Variants in CLNK observed in about 807,000 individuals in gnomAD.
CLNK encodes the protein cytokine dependent hematopoietic cell linker, also known as cytokine-dependent hematopoietic cell linker.
In CLNK, 74 loss-of-function variants were observed where a neutral mutation model predicts 68.6. The ratio of observed to expected loss-of-function variants is 1.08; its 90% CI spans 0.89 to 1.31. The LOEUF (loss-of-function observed/expected upper bound fraction) is 1.31, where lower values mean the gene tolerates loss of function less well. Among genes scored for constraint, CLNK ranks in the 50% most tolerant of loss-of-function variants. The pLI, the probability that CLNK is intolerant of heterozygous loss-of-function variation, is 0.00. For missense variants in CLNK, 553 were observed against 515.3 expected, an observed-to-expected ratio of 1.07 and a Z score of -0.71; for synonymous variants, 198 against 172.2, an observed-to-expected ratio of 1.15 and a Z score of -1.17.
the CLNK span, among the ~76,000 whole-genome samples, chr4:10,713,409 C>A: frequency 1.3e-5 from 2 of 151,974 alleles, no homozygotes; most frequent in African/African-American, 2.4e-5. Context: ...TAACTCCTGT[C>A]CAAGATGGTG....
At chr4:10,628,627 G>T (rs1460171331) in intron 2 of CLNK, among the ~76,000 whole-genome samples, 1 of 152,196 alleles carries the variant, frequency 6.6e-6, no homozygotes, top group African/African-American at 2.4e-5. Flanking sequence ...GGGACGAACT[G>T]TGCACAGTAG....
intron 2 of CLNK, among the ~76,000 whole-genome samples, chr4:10,655,316 G>A (rs944872536): frequency 2.1e-5 from 3 of 140,484 alleles, no homozygotes; most frequent in Admixed American, 7.5e-5. Context: ...AGTAATTCCG[G>A]CCTAAAACCC....
At chr4:10,552,554 C>T (rs1719504254) in intron 8 of CLNK, among the ~76,000 whole-genome samples, 1 of 152,092 alleles carries the variant, frequency 6.6e-6, no homozygotes, top group Non-Finnish European at 1.5e-5. Context: ...TAGTGCCAAC[C>T]TCTCTCCTGT....
chr4:10,676,624 T>C (rs1724887470), intron 1 of CLNK, among the ~76,000 whole-genome samples: 1 of 152,098 alleles, frequency 6.6e-6, no homozygotes, highest in Non-Finnish European at 1.5e-5. Context: ...TTGAGTTTTG[T>C]TTTTAAAAAC....
chr4:10,668,379 C>T (rs1041489944), intron 1 of CLNK, among the ~76,000 whole-genome samples: 2 of 152,136 alleles, frequency 1.3e-5, no homozygotes, highest in African/African-American at 4.8e-5. Context: ...CTTGTATTCA[C>T]CCACATAGTA....
Position 10,542,248 on chromosome 4 carries a change from C to T in CLNK, c.471+7G>A, listed in dbSNP as rs529244683. 2 of 1,511,468 alleles carry T rather than the reference C, an allele frequency of 1.3e-6. No individual in the cohort carries two copies. The highest frequency in any genetic ancestry group is 2.3e-5 in the East Asian group (1 of 43,134). The allele number at this position is 1,511,468 out of a possible 1,614,324, so 93.6% of individuals were successfully genotyped here. ...AATAACAAATGCATTTTATTGATTT[C>T]TCTTACCTTGTTCTTTCTTACGGAT... On this transcript the variant is annotated splice_region_variant and intron_variant, in intron 9 of 18. Coordinates refer to ENST00000226951, the MANE Select transcript of CLNK (RefSeq NM_052964.4).
At chr4:10,494,651 G>T (rs1037678265) in intron 18 of CLNK, among the ~76,000 whole-genome samples, 1 of 152,084 alleles carries the variant, frequency 6.6e-6, no homozygotes, top group African/African-American at 2.4e-5. Context: ...TAGAGACAGG[G>T]TTTCATCATA....
chr4:10,589,759 G>A (rs1223673692), intron 3 of CLNK, among the ~76,000 whole-genome samples: 1 of 152,192 alleles, frequency 6.6e-6, no homozygotes, highest in East Asian at 1.9e-4. Context: ...AAGGACTCCT[G>A]TGTTAACACT....
the CLNK span, among the ~76,000 whole-genome samples, chr4:10,729,552 C>G: frequency 1.3e-5 from 2 of 152,218 alleles, no homozygotes; most frequent in African/African-American, 2.4e-5. Context: ...ACACACTCAC[C>G]CACACCCACA....
chr4:10,623,612 G>A (rs936445687), intron 2 of CLNK, among the ~76,000 whole-genome samples: 3 of 152,178 alleles, frequency 2.0e-5, no homozygotes, highest in African/African-American at 7.2e-5. Flanking sequence ...GATGACGCCT[G>A]ACAAATATTT....
chr4:10,533,153 G>A (rs1718620411), intron 11 of CLNK, among the ~76,000 whole-genome samples: 1 of 152,194 alleles, frequency 6.6e-6, no homozygotes, highest in South Asian at 2.1e-4. Flanking sequence ...AGCTACTCGG[G>A]AGGCTGAGGC....
intron 2 of CLNK, among the ~76,000 whole-genome samples, chr4:10,652,381 CA>C (rs67304153): frequency 7.3e-4 from 37 of 50,730 alleles, no homozygotes; most frequent in South Asian, 4.7e-3. Flanking sequence ...GACTCTGTCT[CA>C]AAAAAAAAAA....
At chr4:10,722,916 G>C in the CLNK span, among the ~76,000 whole-genome samples, 4 of 152,096 alleles carry the variant, frequency 2.6e-5, no homozygotes, top group African/African-American at 9.7e-5. Flanking sequence ...CAGGTGTGGT[G>C]GTGCATACCT....
intron 15 of CLNK, chr4:10,517,385 C>A (rs1044142802): frequency 6.6e-6 from 1 of 152,124 alleles, no homozygotes; most frequent in African/African-American, 2.4e-5. Flanking sequence ...ATCAAAGGTG[C>A]AAACTTACCT....
chr4:10,725,083 C>T, the CLNK span, among the ~76,000 whole-genome samples: 65,680 of 151,738 alleles, frequency 0.43, 15,073 homozygotes, highest in Middle Eastern at 0.6. Context: ...GTTTTCCTTG[C>T]GAAGGAGAGG....
At chr4:10,534,918 C>T (rs944414020) in intron 11 of CLNK, among the ~76,000 whole-genome samples, 1 of 152,066 alleles carries the variant, frequency 6.6e-6, no homozygotes, top group African/African-American at 2.4e-5. Flanking sequence ...ATCTCTATAA[C>T]CATACTTTCT....
intron 3 of CLNK, among the ~76,000 whole-genome samples, chr4:10,594,283 T>C (rs1721302307): frequency 6.6e-6 from 1 of 152,072 alleles, no homozygotes; most frequent in Non-Finnish European, 1.5e-5. Flanking sequence ...TCTCCCCCCA[T>C]CCTCTGCCTT....
intron 2 of CLNK, among the ~76,000 whole-genome samples, chr4:10,622,107 C>A (rs1226838389): frequency 6.6e-6 from 1 of 152,190 alleles, no homozygotes; most frequent in Non-Finnish European, 1.5e-5. Context: ...TTCTTAAAAT[C>A]CAGGCATCAA....
rs1029805776 is a variant in CLNK at position 10,489,411 on chromosome 4, T to C, written c.*1056A>G. ...CAATTTTTAGTTTCCCTCAGACATA[T>C]GCTTGCCTGAAGGCTAGTGTAGGAT... is the stretch of plus-strand genomic sequence containing the variant. On this transcript the variant is annotated 3_prime_UTR_variant, in exon 19 of 19. Transcript: ENST00000226951. 6.6e-5 allele frequency: 10 copies of C among 152,182 alleles called. No individual in the cohort carries two copies. The highest frequency in any genetic ancestry group is 6.5e-4 in the Admixed American group (10 of 15,282). The allele number at this position is 152,182 out of a possible 1,614,324, so 9.4% of individuals were successfully genotyped here. A position where few individuals can be genotyped will look rare whatever the true frequency, so the allele number is the denominator to read the frequency against.
Sources: gnomAD v4.1 joint callset for allele counts (sites outside exome capture counted in the v4.1 genomes callset) on GRCh38, gnomAD v4.1.1 for gene constraint, MANE v1.5 for transcripts, NCBI Gene and HGNC (gene_info 2026-07-23, HGNC 2026-07-21) for gene names.